SLC9A9: variants seen among roughly 807,000 people sequenced by gnomAD.
The protein encoded by SLC9A9 is solute carrier family 9 member A9.
SLC9A9 carries 62 observed loss-of-function variants against 77.8 expected under a neutral mutation model. The observed-to-expected ratio is 0.80, with a 90% confidence interval of 0.65 to 0.98. SLC9A9 has a LOEUF of 0.98. Ranked by LOEUF, SLC9A9 falls within the 50% of genes least tolerant of loss-of-function variation. The probability of loss-of-function intolerance (pLI) is 0.00; values close to 1 mark genes in which losing one functional copy is unlikely to be tolerated. For missense variants in SLC9A9, 775 were observed against 774.9 expected (o/e 1.00, Z 0.00); for synonymous variants, 320 against 283.5 (o/e 1.13, Z -1.29).
rs376728631 is a variant in SLC9A9 at position 143,552,448 on chromosome 3, T to A, written c.1003A>T (p.Ile335Leu). 2.6e-5 allele frequency: 42 copies of A among 1,612,548 alleles called. No individual in the cohort carries two copies. In the Middle Eastern group the frequency reaches 8.2e-4, roughly 32 times the overall value. The change falls in exon 9 of 16, where the codon ATA becomes TTA. Residue 335 changes from isoleucine (I) to leucine (L), a missense_variant and splice_region_variant. Transcript: ENST00000316549. ...ACTCCACAGAAGAGAACAGCAACTATCCCTGAAATTAAAAAAACAGATCAG... is the reference window on the plus strand; with the variant it reads ...ACTCCACAGAAGAGAACAGCAACTAACCCTGAAATTAAAAAAACAGATCAG... ...LSAEAAGLTGIVAVLFCGVTQ... is the reference protein window; with the variant it reads ...LSAEAAGLTGLVAVLFCGVTQ...
intron 12 of SLC9A9, among the ~76,000 whole-genome samples, chr3:143,435,319 A>C (rs2034601101): frequency 1.3e-5 from 2 of 152,170 alleles, no homozygotes; most frequent in Admixed American, 6.5e-5. Context: ...TCTGAGTTGG[A>C]GGAAAGGCAT....
intron 11 of SLC9A9, among the ~76,000 whole-genome samples, chr3:143,473,877 T>G (rs894815001): frequency 2.6e-5 from 4 of 152,214 alleles, no homozygotes; most frequent in African/African-American, 9.7e-5. Context: ...ATATATTCAT[T>G]CACTGATTAA....
At chr3:143,846,391 TATTA>T (rs2009830292) in intron 1 of SLC9A9, among the ~76,000 whole-genome samples, 1 of 152,218 alleles carries the variant, frequency 6.6e-6, no homozygotes, top group Non-Finnish European at 1.5e-5. Flanking sequence ...GCAGATTACT[TATTA>T]GTCAAGTCAA....
intron 11 of SLC9A9, among the ~76,000 whole-genome samples, chr3:143,472,782 G>C (rs1410403605): frequency 1.3e-5 from 2 of 152,214 alleles, no homozygotes; most frequent in Non-Finnish European, 2.9e-5. Context: ...ACGGAAAAGT[G>C]ATTGATACCT....
At chr3:143,631,760 T>C (rs2038426273) in intron 6 of SLC9A9, among the ~76,000 whole-genome samples, 1 of 152,170 alleles carries the variant, frequency 6.6e-6, no homozygotes, top group Non-Finnish European at 1.5e-5. Flanking sequence ...TATTCCTACA[T>C]CTTCCAGTTT....
At chr3:143,330,900 A>G (rs1392933339) in intron 14 of SLC9A9, among the ~76,000 whole-genome samples, 3 of 152,244 alleles carry the variant, frequency 2.0e-5, no homozygotes, top group Non-Finnish European at 4.4e-5. Flanking sequence ...TAGATATTCC[A>G]TTTATGCATA....
intron 8 of SLC9A9, among the ~76,000 whole-genome samples, chr3:143,557,697 A>C (rs867966113): frequency 1.3e-5 from 2 of 152,208 alleles, no homozygotes; most frequent in Non-Finnish European, 2.9e-5. Flanking sequence ...TAGCAAAGAG[A>C]CTGGTGGCAT....
intron 6 of SLC9A9, among the ~76,000 whole-genome samples, chr3:143,609,466 G>GT (rs1171183062): frequency 2.0e-5 from 3 of 152,154 alleles, no homozygotes; most frequent in African/African-American, 4.8e-5. Context: ...AGCTAGGAAT[G>GT]TTGTAGCTAT....
intron 1 of SLC9A9, among the ~76,000 whole-genome samples, chr3:143,836,389 G>T (rs1055478640): frequency 2.0e-4 from 30 of 152,098 alleles, no homozygotes; most frequent in African/African-American, 6.8e-4. Context: ...CAGAATTGTA[G>T]CCCAACTTTC....
intron 12 of SLC9A9, among the ~76,000 whole-genome samples, chr3:143,392,527 A>G (rs1199988092): frequency 1.4e-5 from 2 of 147,620 alleles, no homozygotes; most frequent in Non-Finnish European, 3.0e-5. Flanking sequence ...CGAGGCTAGG[A>G]AGAAACTGCA....
chr3:143,562,282 A>G (rs2037100590), intron 8 of SLC9A9, among the ~76,000 whole-genome samples: 1 of 152,178 alleles, frequency 6.6e-6, no homozygotes, highest in South Asian at 2.1e-4. Flanking sequence ...AAGGCTAGAA[A>G]AGCTGGGACA....
intron 9 of SLC9A9, among the ~76,000 whole-genome samples, chr3:143,532,688 C>T (rs557626516): frequency 7.9e-5 from 12 of 152,190 alleles, no homozygotes; most frequent in South Asian, 2.1e-4. Flanking sequence ...AAAATGTAGC[C>T]GACATGGGCT....
chr3:143,531,223 G>A (rs955565627), intron 9 of SLC9A9, among the ~76,000 whole-genome samples: 3 of 152,180 alleles, frequency 2.0e-5, no homozygotes, highest in Non-Finnish European at 4.4e-5. Context: ...CTCCGCTTGA[G>A]CATTTTGGCC....
chr3:143,315,095 A>G (rs547690755), intron 14 of SLC9A9, among the ~76,000 whole-genome samples: 1 of 152,380 alleles, frequency 6.6e-6, no homozygotes, highest in African/African-American at 2.4e-5. Context: ...CAGAATCCTT[A>G]ATGGCATACA....
intron 9 of SLC9A9, among the ~76,000 whole-genome samples, chr3:143,526,368 G>T (rs999844713): frequency 6.6e-6 from 1 of 152,214 alleles, no homozygotes; most frequent in Non-Finnish European, 1.5e-5. Context: ...ATGCTTAGGG[G>T]CAGGCTGCTC....
rs538711690 is a variant in SLC9A9, at chr3:143,536,871, C to G, written c.1089+15491G>C. Among the ~76,000 whole-genome samples, 114 of 152,296 alleles carry G rather than the reference C, an allele frequency of 7.5e-4. 2 individuals carry two copies. The South Asian group carries it at 0.023, about 31-fold the overall frequency. On this transcript the variant is annotated intron_variant, in intron 9 of 15. Coordinates refer to ENST00000316549, the MANE Select transcript of SLC9A9 (RefSeq NM_173653.4). ...TCTTCATGAGTGACATTACTGTGCC[C>G]TAGGTCACTGGTTCTCAAGCGCTGC...
chr3:143,356,107 T>C (rs2032577609), intron 14 of SLC9A9, among the ~76,000 whole-genome samples: 1 of 152,336 alleles, frequency 6.6e-6, no homozygotes, highest in South Asian at 2.1e-4. Context: ...ATAATCATAG[T>C]GGGGAATCCA....
intron 9 of SLC9A9, among the ~76,000 whole-genome samples, chr3:143,528,155 A>C (rs1463416211): frequency 6.6e-6 from 1 of 152,128 alleles, no homozygotes; most frequent in Non-Finnish European, 1.5e-5. Flanking sequence ...CCTCTTTTAG[A>C]CTTATTTTGG....
chr3:143,724,340 C>A lies in SLC9A9; in HGVS notation c.534-31033G>T, dbSNP rs116572769. ...ACCATGATTGTTAGTTTCCTGAGAC[C>A]TCTCAGTCATGCTTCCTGTTAAGCC... On this transcript the variant is annotated intron_variant, in intron 4 of 15. Transcript: ENST00000316549. Among the ~76,000 whole-genome samples the A allele has an allele frequency of 7.1e-3, 1,080 of 152,276 alleles. 10 individuals are homozygous for A. Among genetic ancestry groups the A allele is most frequent in the African/African-American group, 0.025 (1,042 of 41,526 alleles).
Sources: allele counts gnomAD v4.1 joint callset (sites outside exome capture counted in the v4.1 genomes callset), GRCh38; gene constraint gnomAD v4.1.1; transcripts MANE v1.5; gene names NCBI Gene and HGNC (gene_info 2026-07-23, HGNC 2026-07-21).